EPB41L2: variants seen among roughly 807,000 people sequenced by gnomAD.
EPB41L2 encodes band 4.1-like protein 2.
Under a neutral mutation model 113.0 loss-of-function variants are expected in EPB41L2, and 43 were observed. That is an observed-to-expected ratio of 0.38 (90% CI 0.30 to 0.49). EPB41L2 has a LOEUF of 0.49. Among genes scored for constraint, EPB41L2 ranks in the 20% least tolerant of loss-of-function variants. The probability of loss-of-function intolerance (pLI) is 0.95; values close to 1 mark genes in which losing one functional copy is unlikely to be tolerated. For missense variants in EPB41L2, 1,147 were observed against 1,223.4 expected, an observed-to-expected ratio of 0.94 and a Z score of 0.93; for synonymous variants, 442 against 436.7, an observed-to-expected ratio of 1.01 and a Z score of -0.15.
chr6:130,922,034 C>T (rs1803040228), intron 4 of EPB41L2, among the ~76,000 whole-genome samples: 2 of 152,194 alleles, frequency 1.3e-5, no homozygotes, highest in Admixed American at 6.5e-5. Context: ...ATGGCATACC[C>T]AATGAATGTG....
chr6:130,898,777 T>C (rs1340510529), intron 8 of EPB41L2, among the ~76,000 whole-genome samples: 1 of 152,220 alleles, frequency 6.6e-6, no homozygotes, highest in Non-Finnish European at 1.5e-5. Flanking sequence ...GTGTTTTATG[T>C]TTCTCAAATC....
intron 1 of EPB41L2, among the ~76,000 whole-genome samples, chr6:130,963,641 T>A (rs1200774695): frequency 6.6e-6 from 1 of 152,116 alleles, no homozygotes; most frequent in Non-Finnish European, 1.5e-5. Context: ...TCACTAAGGA[T>A]GGAGACAAGA....
Position 130,908,801 on chromosome 6 carries a change from A to G in EPB41L2, c.853+20T>C. The stretch of plus-strand genomic sequence containing the variant: ...TATCAAGACACCTTAACTTCAAAGA[A>G]TGATTATTTATATACTTACTTCTCA... On this transcript the variant is annotated intron_variant, in intron 5 of 19. Transcript: ENST00000337057. The G allele has an allele frequency of 6.4e-7, 1 of 1,569,620 alleles. No individual in the cohort carries two copies. The highest frequency in any genetic ancestry group is 8.7e-7 in the Non-Finnish European group (1 of 1,147,466).
chr6:130,865,514 A>G, intron 17 of EPB41L2, 22 bp downstream of exon 17: 2 of 1,607,744 alleles, frequency 1.2e-6, no homozygotes, highest in Non-Finnish European at 1.7e-6. Context: ...TCCTCTCCAT[A>G]TGATCCCCTG....
chr6:130,915,955 T>G (rs1164229334), intron 4 of EPB41L2, among the ~76,000 whole-genome samples: 5 of 152,228 alleles, frequency 3.3e-5, no homozygotes. Flanking sequence ...AGGTATGTCT[T>G]TATCAGCAGT....
At chr6:131,002,227 A>G (rs1290131512) in intron 1 of EPB41L2, among the ~76,000 whole-genome samples, 2 of 152,176 alleles carry the variant, frequency 1.3e-5, no homozygotes, top group East Asian at 3.8e-4. Context: ...CACACAGAGA[A>G]GAGACCTTGT....
chr6:130,915,075 G>A (rs1163016977), intron 4 of EPB41L2, among the ~76,000 whole-genome samples: 4 of 151,534 alleles, frequency 2.6e-5, no homozygotes, highest in African/African-American at 7.3e-5. Flanking sequence ...AGGCCGAGGC[G>A]GGCGGATCAC....
rs556105266 is a variant in EPB41L2 at position 131,051,235 on chromosome 6, C to A, written c.-15+11920G>T. On this transcript the variant is annotated intron_variant, in intron 1 of 19. Transcript: ENST00000337057. ...TCCCTCTATATAAATGAAGTTCAAC[C>A]CAGCAGCTGGCATGGGGAAACAAGT... 2.0e-5 allele frequency among the ~76,000 whole-genome samples: 3 copies of A among 151,960 alleles called. No individual in the cohort carries two copies. The South Asian group carries it at 6.2e-4, about 32-fold the overall frequency.
chr6:130,961,028 C>T (rs1168976364), intron 1 of EPB41L2, among the ~76,000 whole-genome samples: 1 of 152,152 alleles, frequency 6.6e-6, no homozygotes. Context: ...TATCAACAAC[C>T]AAACTGAGGA....
chr6:130,867,799 T>C (rs2128443471), intron 15 of EPB41L2: 1 of 502,014 alleles, frequency 2.0e-6, no homozygotes, highest in South Asian at 2.1e-5. Flanking sequence ...TGCACATAGA[T>C]ACGTACATAT....
In EPB41L2 at chr6:130,900,839, G is replaced by C. The variant is rs1365279726; in HGVS notation, c.1148+123C>G. ...TCCACGTTGCCTTGATTAGTGCTAG[G>C]TGAAACTCCAAAAGGAAAAATTGGA... On this transcript the variant is annotated intron_variant, in intron 7 of 19. Coordinates refer to ENST00000337057, the MANE Select transcript of EPB41L2 (RefSeq NM_001431.4). 5.2e-6 allele frequency: 6 copies of C among 1,144,250 alleles called. No homozygotes were observed. The African/African-American group carries it at 9.2e-5, about 18-fold the overall frequency. 70.9% of individuals were successfully genotyped at this position (1,144,250 alleles called of 1,614,324 possible).
rs192837873 is a variant in EPB41L2, at chr6:131,045,452, T to C, written c.-15+17703A>G. Among the ~76,000 whole-genome samples, 264 of 146,042 alleles carry C rather than the reference T, an allele frequency of 1.8e-3. 2 individuals carry two copies. Among genetic ancestry groups the C allele is most frequent in the African/African-American group, 6.3e-3 (257 of 41,032 alleles). ...GAAAGACTTAGCCTGGAGAGAGATATGAGTTAACAGATTAAAATAGGTAAA... is the reference window on the plus strand; with the variant it reads ...GAAAGACTTAGCCTGGAGAGAGATACGAGTTAACAGATTAAAATAGGTAAA... On this transcript the variant is annotated intron_variant, in intron 1 of 19. Transcript: ENST00000337057.
intron 1 of EPB41L2, among the ~76,000 whole-genome samples, chr6:131,038,672 A>G (rs182845309): frequency 1.6e-4 from 25 of 152,240 alleles, no homozygotes; most frequent in Admixed American, 2.0e-4. Flanking sequence ...ACAGAATTCC[A>G]TAATACTTCT....
intron 1 of EPB41L2, chr6:131,062,466 G>A (rs540045522): frequency 6.6e-6 from 1 of 151,964 alleles, no homozygotes; most frequent in Non-Finnish European, 1.5e-5. Context: ...TGTGGGAATT[G>A]TAAGGATCGG....
chr6:130,879,261 A>G (rs1189449722), intron 13 of EPB41L2, among the ~76,000 whole-genome samples: 1 of 152,232 alleles, frequency 6.6e-6, no homozygotes, highest in Non-Finnish European at 1.5e-5. Context: ...GCAAAAACTC[A>G]TGAAAATCTA....
chr6:130,913,572 G>T (rs1800072037), intron 4 of EPB41L2, among the ~76,000 whole-genome samples: 1 of 152,082 alleles, frequency 6.6e-6, no homozygotes, highest in Non-Finnish European at 1.5e-5. Context: ...TATGCCCCTT[G>T]CTTGCCTCCT....
At chr6:130,895,756 T>C (rs769285663) in intron 8 of EPB41L2, among the ~76,000 whole-genome samples, 47 of 152,232 alleles carry the variant, frequency 3.1e-4, no homozygotes, top group Non-Finnish European at 6.6e-4. Context: ...TTCAAAGGAC[T>C]GCAGACTATT....
At chr6:131,005,182 T>G (rs1191926948) in intron 1 of EPB41L2, among the ~76,000 whole-genome samples, 1 of 151,878 alleles carries the variant, frequency 6.6e-6, no homozygotes, top group Non-Finnish European at 1.5e-5. Flanking sequence ...TACAGAGTTT[T>G]TTTTTTTTTT....
At chr6:131,061,506 C>T (rs1186112168) in intron 1 of EPB41L2, among the ~76,000 whole-genome samples, 1 of 152,152 alleles carries the variant, frequency 6.6e-6, no homozygotes, top group East Asian at 1.9e-4. Context: ...CCAGTTGGCC[C>T]TTATCACAAT....
Sources: allele counts gnomAD v4.1 joint callset (sites outside exome capture counted in the v4.1 genomes callset), GRCh38; gene constraint gnomAD v4.1.1; transcripts MANE v1.5; gene names NCBI Gene and HGNC (gene_info 2026-07-23, HGNC 2026-07-21).